Variants in F13A1 observed in about 807,000 individuals in gnomAD.
F13A1 encodes coagulation factor XIII A chain, also known as FSF, A subunit.
Under a neutral mutation model 80.1 loss-of-function variants are expected in F13A1, and 47 were observed. The observed-to-expected ratio is 0.59, with a 90% confidence interval of 0.46 to 0.75. The LOEUF (loss-of-function observed/expected upper bound fraction) is 0.75, where lower values mean the gene tolerates loss of function less well. Among genes scored for constraint, F13A1 ranks in the 30% least tolerant of loss-of-function variants. The pLI, the probability that F13A1 is intolerant of heterozygous loss-of-function variation, is 0.00. For synonymous variants in F13A1, 349 were observed against 344.9 expected (o/e 1.01, Z -0.13); for missense variants, 817 against 930.4 (o/e 0.88, Z 1.59).
intron 2 of F13A1, among the ~76,000 whole-genome samples, chr6:6,306,822 A>G (rs1423720782): frequency 1.3e-5 from 2 of 152,220 alleles, no homozygotes; most frequent in African/African-American, 2.4e-5. Context: ...ATCTCCTGCC[A>G]TAGTCGAATG....
At chr6:6,196,134 C>T (rs996342854) in intron 9 of F13A1, among the ~76,000 whole-genome samples, 1 of 152,242 alleles carries the variant, frequency 6.6e-6, no homozygotes, top group African/African-American at 2.4e-5. Context: ...CCTACAGACA[C>T]ATACCCAGAT....
At chr6:6,247,657 G>A (rs1035220507) in intron 6 of F13A1, among the ~76,000 whole-genome samples, 1 of 152,218 alleles carries the variant, frequency 6.6e-6, no homozygotes. Context: ...CCTGCAGAGA[G>A]CGGCATGAAA....
At chr6:6,304,646 G>C (rs998098717) in intron 3 of F13A1, among the ~76,000 whole-genome samples, 1 of 152,082 alleles carries the variant, frequency 6.6e-6, no homozygotes, top group Non-Finnish European at 1.5e-5. Flanking sequence ...TGGATAACTT[G>C]AGGTTAGGAG....
At chr6:6,147,869 A>G (rs1247938126) in intron 14 of F13A1, among the ~76,000 whole-genome samples, 1 of 152,228 alleles carries the variant, frequency 6.6e-6, no homozygotes, top group African/African-American at 2.4e-5. Context: ...AAGTGGAGCA[A>G]TGTTGGAGTA....
intron 13 of F13A1, among the ~76,000 whole-genome samples, chr6:6,158,340 C>A (rs534173409): frequency 6.6e-6 from 1 of 152,264 alleles, no homozygotes; most frequent in African/African-American, 2.4e-5. Context: ...AGACAAGTCG[C>A]TTGACTTCTC....
chr6:6,253,490 AAAG>A (rs1757663422), intron 4 of F13A1, among the ~76,000 whole-genome samples: 1 of 152,148 alleles, frequency 6.6e-6, no homozygotes, highest in African/African-American at 2.4e-5. Flanking sequence ...CCCACTGGTC[AAAG>A]AAGGATGAGA....
chr6:6,301,108 A>G (rs1324572923), intron 3 of F13A1, among the ~76,000 whole-genome samples: 2 of 152,202 alleles, frequency 1.3e-5, no homozygotes, highest in African/African-American at 2.4e-5. Context: ...CATTATAGCA[A>G]TTAGCCTTAA....
intron 6 of F13A1, among the ~76,000 whole-genome samples, chr6:6,234,776 T>C (rs1757394051): frequency 6.6e-6 from 1 of 152,070 alleles, no homozygotes; most frequent in Admixed American, 6.6e-5. Context: ...ATATCTCTTG[T>C]AGTGAAGAAA....
rs146010456 is a variant in F13A1, at chr6:6,202,475, A to G, written c.1113-5149T>C. Among the ~76,000 whole-genome samples, 64 of 152,352 alleles carry G rather than the reference A, an allele frequency of 4.2e-4. No homozygotes were observed. In the East Asian group the frequency reaches 7.5e-3, roughly 18 times the overall value. ...TGTTGGCTAAATAAATCATGAGGACATCTAGCAAGGAAGTTCTTATTAAAC... is the reference window on the plus strand; with the variant it reads ...TGTTGGCTAAATAAATCATGAGGACGTCTAGCAAGGAAGTTCTTATTAAAC... On this transcript the variant is annotated intron_variant, in intron 8 of 14. Coordinates refer to ENST00000264870, the MANE Select transcript of F13A1 (RefSeq NM_000129.4).
chr6:6,235,136 C>T (rs956520667), intron 6 of F13A1, among the ~76,000 whole-genome samples: 2 of 151,828 alleles, frequency 1.3e-5, no homozygotes, highest in African/African-American at 4.8e-5. Context: ...TAAAAATGAA[C>T]TCAAAATGAA....
At chr6:6,270,000 C>T (rs1400066818) in intron 3 of F13A1, among the ~76,000 whole-genome samples, 1 of 152,236 alleles carries the variant, frequency 6.6e-6, no homozygotes, top group Non-Finnish European at 1.5e-5. Context: ...GCATGAGCCA[C>T]TGCGCCCAGC....
chr6:6,289,778 T>C (rs372274053), intron 3 of F13A1, among the ~76,000 whole-genome samples: 4 of 152,170 alleles, frequency 2.6e-5, no homozygotes, highest in African/African-American at 9.7e-5. Flanking sequence ...AAGACATCAG[T>C]GTGCTTCCAA....
chr6:6,160,510 T>C (rs1334857754), intron 13 of F13A1, among the ~76,000 whole-genome samples: 1 of 152,044 alleles, frequency 6.6e-6, no homozygotes, highest in Admixed American at 6.5e-5. Context: ...GCTAATTTTT[T>C]ATTTTTAGTA....
At position 6,295,042 on chromosome 6, in the gene F13A1, A is replaced by G. The variant is rs865796900; in HGVS notation, c.319+10309T>C. ...AGTTTACTGAGAATGATGATTTCCAATTTCATCCATGTCCCTACAAAGGAC... is the reference window on the plus strand; with the variant it reads ...AGTTTACTGAGAATGATGATTTCCAGTTTCATCCATGTCCCTACAAAGGAC... On this transcript the variant is annotated intron_variant, in intron 3 of 14. Coordinates refer to ENST00000264870, the MANE Select transcript of F13A1 (RefSeq NM_000129.4). Among the ~76,000 whole-genome samples the G allele has an allele frequency of 3.6e-4, 52 of 145,656 alleles. No homozygotes were observed. The South Asian group carries it at 9.9e-3, about 28-fold the overall frequency.
At chr6:6,313,880 G>A (rs1033128244) in intron 2 of F13A1, among the ~76,000 whole-genome samples, 1 of 152,066 alleles carries the variant, frequency 6.6e-6, no homozygotes, top group Non-Finnish European at 1.5e-5. Flanking sequence ...AGAGAAATGA[G>A]CCCCATACCT....
chr6:6,161,098 T>C (rs995770100), intron 13 of F13A1, among the ~76,000 whole-genome samples: 6 of 152,124 alleles, frequency 3.9e-5, no homozygotes, highest in East Asian at 3.9e-4. Flanking sequence ...GTAGAGATCA[T>C]TGGAGGAACA....
In F13A1 at chr6:6,308,940, C is replaced by G. The variant is rs189712892; in HGVS notation, c.131-3401G>C. Among the ~76,000 whole-genome samples, 653 of 152,056 alleles carry G rather than the reference C, an allele frequency of 4.3e-3. 12 individuals carry two copies. The highest frequency in any genetic ancestry group is 0.036 in the Admixed American group (551 of 15,284). On this transcript the variant is annotated intron_variant, in intron 2 of 14. Coordinates refer to ENST00000264870, the MANE Select transcript of F13A1 (RefSeq NM_000129.4). ...CAATGGATCAAAATTCAGTTGAGGC[C>G]CCTACAAGTCACCCACTCATGTTGC...
intron 4 of F13A1, among the ~76,000 whole-genome samples, chr6:6,252,401 A>G (rs1757645350): frequency 6.6e-6 from 1 of 152,224 alleles, no homozygotes; most frequent in African/African-American, 2.4e-5. Flanking sequence ...ACATACACAC[A>G]TATGTACATA....
chr6:6,282,443 TAATC>T (rs1156545694), intron 3 of F13A1, among the ~76,000 whole-genome samples: 2 of 152,220 alleles, frequency 1.3e-5, no homozygotes, highest in African/African-American at 2.4e-5. Flanking sequence ...ATCCAGGTAT[TAATC>T]AATCATTCTA....
Sources: allele counts gnomAD v4.1 joint callset (sites outside exome capture counted in the v4.1 genomes callset), GRCh38; gene constraint gnomAD v4.1.1; transcripts MANE v1.5; gene names NCBI Gene and HGNC (gene_info 2026-07-23, HGNC 2026-07-21).